NTM: variants seen among roughly 807,000 people sequenced by gnomAD.
The protein encoded by NTM is IgLON family member 2.
A neutral mutation model predicts 42.1 loss-of-function variants in NTM; 13 were observed. The ratio of observed to expected loss-of-function variants is 0.31; its 90% CI spans 0.20 to 0.49. The LOEUF (loss-of-function observed/expected upper bound fraction) is 0.49. Among genes scored for constraint, NTM ranks in the 20% least tolerant of loss-of-function variants. NTM has a pLI of 0.99. For missense variants in NTM, 373 were observed against 452.8 expected (o/e 0.82, Z 1.60); for synonymous variants, 187 against 179.2 (o/e 1.04, Z -0.35).
chr11:131,922,255 G>A (rs996508398), intron 2 of NTM: 2 of 152,550 alleles, frequency 1.3e-5, no homozygotes, highest in Admixed American at 1.3e-4. Context: ...ATCCAGTTAG[G>A]GTGCAGCAAA....
intron 1 of NTM, among the ~76,000 whole-genome samples, chr11:131,670,304 T>C (rs1352536258): frequency 6.6e-6 from 1 of 151,942 alleles, no homozygotes; most frequent in Non-Finnish European, 1.5e-5. Flanking sequence ...TAGAAAAAAA[T>C]TGCTCTCAAA....
chr11:132,199,119 A>G (rs2080765734), intron 3 of NTM, among the ~76,000 whole-genome samples: 1 of 152,338 alleles, frequency 6.6e-6, no homozygotes, highest in Middle Eastern at 3.4e-3. Flanking sequence ...AGGGCCTTGA[A>G]TGACAAAGCA....
intron 2 of NTM, among the ~76,000 whole-genome samples, chr11:131,950,848 G>T (rs541301747): frequency 7.2e-5 from 11 of 152,042 alleles, no homozygotes; most frequent in Non-Finnish European, 1.5e-4. Flanking sequence ...ACTTCCTTCT[G>T]GTTCTCTTGG....
chr11:132,081,779 T>C (rs2059096008), intron 2 of NTM, among the ~76,000 whole-genome samples: 1 of 151,236 alleles, frequency 6.6e-6, no homozygotes, highest in Non-Finnish European at 1.5e-5. Context: ...CTAACACTTG[T>C]ATGAAGTAAT....
intron 1 of NTM, among the ~76,000 whole-genome samples, chr11:131,812,310 G>C (rs1415674671): frequency 6.6e-6 from 1 of 151,922 alleles, no homozygotes; most frequent in African/African-American, 2.4e-5. Context: ...TAATATATGA[G>C]GGTACGGGGA....
At chr11:131,676,259 G>A (rs114987040) in intron 1 of NTM, among the ~76,000 whole-genome samples, 4,856 of 152,318 alleles carry the variant, frequency 0.032, 259 homozygotes, top group African/African-American at 0.11. Flanking sequence ...TTTAAGTGCT[G>A]TTTGGTAGAA....
chr11:131,708,574 C>A (rs1174944478), intron 1 of NTM, among the ~76,000 whole-genome samples: 2 of 152,056 alleles, frequency 1.3e-5, no homozygotes, highest in African/African-American at 2.4e-5. Context: ...TTGTAAAAGA[C>A]TTTATTGTAG....
intron 3 of NTM, among the ~76,000 whole-genome samples, chr11:132,179,268 G>T (rs537321286): frequency 6.6e-6 from 1 of 152,316 alleles, no homozygotes; most frequent in African/African-American, 2.4e-5. Flanking sequence ...AGATAAATTT[G>T]TTATGTAAAG....
intron 2 of NTM, among the ~76,000 whole-genome samples, chr11:132,019,146 C>T (rs980791610): frequency 1.3e-5 from 2 of 151,598 alleles, no homozygotes; most frequent in African/African-American, 4.9e-5. Flanking sequence ...TTGACTTTCC[C>T]TAATTTTTTT....
intron 4 of NTM, among the ~76,000 whole-genome samples, chr11:132,298,632 G>A (rs979472776): frequency 2.0e-5 from 3 of 152,052 alleles, no homozygotes; most frequent in Admixed American, 6.6e-5. Flanking sequence ...AGTACAAAGG[G>A]TTCACTTTCT....
intron 1 of NTM, among the ~76,000 whole-genome samples, chr11:131,649,100 G>A (rs1046295497): frequency 2.6e-5 from 4 of 152,136 alleles, no homozygotes; most frequent in Non-Finnish European, 4.4e-5. Flanking sequence ...GAACAACTAC[G>A]TTTGTTCAGA....
chr11:131,532,745 T>C (rs2051482779), intron 1 of NTM, among the ~76,000 whole-genome samples: 1 of 152,238 alleles, frequency 6.6e-6, no homozygotes, highest in African/African-American at 2.4e-5. Flanking sequence ...TTTCTATTTT[T>C]CTTTTTACAT....
intron 2 of NTM, among the ~76,000 whole-genome samples, chr11:131,944,197 A>G (rs1036563277): frequency 3.3e-5 from 5 of 152,228 alleles, no homozygotes; most frequent in Non-Finnish European, 5.9e-5. Flanking sequence ...GAAGTGCTTT[A>G]TATCTAGAAA....
intron 6 of NTM, among the ~76,000 whole-genome samples, chr11:132,310,663 CCT>C (rs2095253271): frequency 6.6e-6 from 1 of 152,124 alleles, no homozygotes; most frequent in African/African-American, 2.4e-5. Context: ...GTAGGTCTCC[CCT>C]CCTGTTCCAG....
At chr11:131,773,626 GC>G (rs2086501405) in intron 1 of NTM, among the ~76,000 whole-genome samples, 1 of 152,150 alleles carries the variant, frequency 6.6e-6, no homozygotes, top group Non-Finnish European at 1.5e-5. Flanking sequence ...AATGCACACA[GC>G]AAAAAGTTGA....
chr11:131,943,880 G>A (rs1219923922), intron 2 of NTM, among the ~76,000 whole-genome samples: 1 of 151,476 alleles, frequency 6.6e-6, no homozygotes. Context: ...CTCTCTTAGA[G>A]CCTGGCAGAC....
chr11:132,298,446 A>G (rs1231544453), intron 4 of NTM, among the ~76,000 whole-genome samples: 3 of 152,156 alleles, frequency 2.0e-5, no homozygotes, highest in African/African-American at 7.2e-5. Context: ...CATCACGCGT[A>G]ATAGAGGGTC....
chr11:132,095,865 G>A (rs938308543), intron 2 of NTM, among the ~76,000 whole-genome samples: 1 of 152,168 alleles, frequency 6.6e-6, no homozygotes, highest in African/African-American at 2.4e-5. Flanking sequence ...TAATGACCAG[G>A]AACACCCACA....
rs376965664 is a variant in NTM, at chr11:131,856,282, T to C, written c.83-55282T>C. ...ATGTCCTTAAAAACATCATATATAA[T>C]GACTTTTTCTTAGACCCCAGGAAAA... On this transcript the variant is annotated intron_variant, in intron 1 of 8. Transcript: ENST00000683400. Among the ~76,000 whole-genome samples the C allele has an allele frequency of 2.0e-4, 31 of 152,320 alleles. 2 individuals carry two copies. The highest frequency in any genetic ancestry group is 1.3e-3 in the Admixed American group (20 of 15,300).
Sources: allele counts gnomAD v4.1 joint callset (sites outside exome capture counted in the v4.1 genomes callset), GRCh38; gene constraint gnomAD v4.1.1; transcripts MANE v1.5; gene names NCBI Gene and HGNC (gene_info 2026-07-23, HGNC 2026-07-21).